Variants in CHD1 observed in about 807,000 individuals in gnomAD.
The protein encoded by CHD1 is ATP-dependent chromatin remodeler CHD1.
Under a neutral mutation model 224.2 loss-of-function variants are expected in CHD1, and 36 were observed. The observed-to-expected ratio is 0.16, with a 90% CI of 0.12 to 0.21. The LOEUF is 0.21. CHD1 is among the 10% of genes least tolerant of loss of function. The probability of loss-of-function intolerance (pLI) is 1.00; values close to 1 mark genes in which losing one functional copy is unlikely to be tolerated. For synonymous variants in CHD1, 668 were observed against 658.3 expected (o/e 1.01, Z -0.23); for missense variants, 1,378 against 1,994.8 (o/e 0.69, Z 5.89).
chr5:98,884,878 G>C (rs1191735310), intron 18 of CHD1, among the ~76,000 whole-genome samples: 1 of 151,752 alleles, frequency 6.6e-6, no homozygotes, highest in Non-Finnish European at 1.5e-5. Flanking sequence ...ACTATGCCCA[G>C]TTTATTTTTT....
chr5:98,885,563 A>G lies in CHD1; in HGVS notation c.2568+15T>C. On this transcript the variant is annotated intron_variant, in intron 18 of 35. Coordinates refer to ENST00000614616, the MANE Select transcript of CHD1 (RefSeq NM_001270.4). ...AATCAAAATTATTTATAATTTTAAA[A>G]GCACTAATACATACCTCTGATCCCT... 2.0e-6 allele frequency: 3 copies of G among 1,478,616 alleles called. No individual in the cohort carries two copies. The highest frequency in any genetic ancestry group is 1.9e-6 in the Non-Finnish European group (2 of 1,074,722). 91.6% of individuals were successfully genotyped at this position (1,478,616 alleles called of 1,614,324 possible).
At chr5:98,859,670 T>C (rs56898185) in intron 33 of CHD1, among the ~76,000 whole-genome samples, 7,974 of 152,160 alleles carry the variant, frequency 0.052, 612 homozygotes, top group African/African-American at 0.16. Flanking sequence ...TAACTATTGG[T>C]GACATTAACT....
In CHD1 at chr5:98,904,980, A is replaced by G. The variant is rs764987430; in HGVS notation, c.172T>C (p.Ser58Pro). 1 of 1,602,938 alleles carries G rather than the reference A, an allele frequency of 6.2e-7. No homozygotes were observed. Among genetic ancestry groups the G allele is most frequent in the East Asian group, 2.2e-5 (1 of 44,826 alleles). The change falls in exon 3 of 36, where the codon TCA becomes CCA. Residue 58 changes from serine to proline, a missense_variant. By Grantham distance (74) the Ser-to-Pro change is moderately conservative. Coordinates refer to ENST00000614616, the MANE Select transcript of CHD1 (RefSeq NM_001270.4). ...GACTCAGACTCTGACTGACTGCCTG[A>G]TTCAGATCCGGAGTCAGAGTCACTG... Reference protein sequence around the residue: ...GSSDSDSGSESGSQSESESDT... With the variant: ...GSSDSDSGSEPGSQSESESDT...
rs1168748039 is a variant in CHD1 at position 98,858,164 on chromosome 5, T to C, written c.4787+16A>G. The C allele has an allele frequency of 1.7e-5, 27 of 1,608,126 alleles. No homozygotes were observed. Among genetic ancestry groups the C allele is most frequent in the Non-Finnish European group, 2.2e-5 (26 of 1,175,866 alleles). On this transcript the variant is annotated intron_variant, in intron 35 of 35. Coordinates refer to ENST00000614616, the MANE Select transcript of CHD1 (RefSeq NM_001270.4). ...ACATGCATAAGCAAAATTTCTAAAG[T>C]GACTGCCAAGTTTACCTGCTGTCTT...
At chr5:98,927,828 T>A (rs1050462246) in intron 1 of CHD1, among the ~76,000 whole-genome samples, 1 of 152,088 alleles carries the variant, frequency 6.6e-6, no homozygotes, top group Admixed American at 6.5e-5. Context: ...CCATCTCCCT[T>A]ATCCGAATAA....
At chr5:98,877,577 A>G (rs1331646825) in intron 23 of CHD1, among the ~76,000 whole-genome samples, 1 of 152,228 alleles carries the variant, frequency 6.6e-6, no homozygotes, top group Non-Finnish European at 1.5e-5. Flanking sequence ...CAAAACATAT[A>G]TTCTGTAAGT....
In CHD1 at chr5:98,858,387, A is replaced by G. The variant is rs1189570743; in HGVS notation, c.4580T>C (p.Val1527Ala). The G allele has an allele frequency of 6.2e-7, 1 of 1,610,146 alleles. No individual in the cohort carries two copies. Among genetic ancestry groups the G allele is most frequent in the African/African-American group, 1.3e-5 (1 of 74,824 alleles). ...ATTTGTATTCTCTTTTAATCTTTCC[A>G]CATCTGTTAGATAAGTACAACTTTT... ...LNPHVIRNPD[V>A]ERLKENTNHD... The change falls in exon 35 of 36, where the codon GTG becomes GCG. Residue 1527 changes from valine to alanine, a missense_variant. Transcript: ENST00000614616.
At chr5:98,911,176 T>TATATATATATATATATAGAGAG (rs1561540185) in intron 2 of CHD1, among the ~76,000 whole-genome samples, 1 of 122,972 alleles carries the variant, frequency 8.1e-6, no homozygotes, top group Non-Finnish European at 1.7e-5. Flanking sequence ...TATATATATA[T>TATATATATATATATATAGAGAG]AGAGGCATGT....
intron 4 of CHD1, 60 bp from the exon 5 acceptor site, chr5:98,903,024 A>C: frequency 9.7e-7 from 1 of 1,031,848 alleles, no homozygotes; most frequent in Non-Finnish European, 1.5e-6. Context: ...ACCATATTAA[A>C]TTTTTATTTG....
intron 2 of CHD1, among the ~76,000 whole-genome samples, chr5:98,908,694 C>T (rs1752202367): frequency 6.6e-6 from 1 of 152,098 alleles, no homozygotes; most frequent in African/African-American, 2.4e-5. Flanking sequence ...CTGTACAACA[C>T]TTGAATTATC....
intron 33 of CHD1, 114 bp downstream of exon 33, chr5:98,859,858 T>G (rs1266219965): frequency 1.8e-6 from 1 of 560,928 alleles, no homozygotes; most frequent in Admixed American, 3.7e-5. Context: ...TCAATGGTGA[T>G]TTTTTAAATT....
At chr5:98,873,303 G>GTA (rs1464860447) in intron 26 of CHD1, among the ~76,000 whole-genome samples, 3 of 151,946 alleles carry the variant, frequency 2.0e-5, no homozygotes, top group Non-Finnish European at 4.4e-5. Flanking sequence ...CTGTGTGTGT[G>GTA]TATATATACA....
At chr5:98,889,295 C>G in intron 15 of CHD1, 57 bp from the exon 16 acceptor site, 1 of 1,301,918 alleles carries the variant, frequency 7.7e-7, no homozygotes, top group Non-Finnish European at 1.1e-6. Flanking sequence ...AGGATAAATT[C>G]TAAAAGCATT....
chr5:98,894,225 A>T (rs986110036), intron 13 of CHD1, among the ~76,000 whole-genome samples: 3 of 152,236 alleles, frequency 2.0e-5, no homozygotes, highest in Non-Finnish European at 4.4e-5. Flanking sequence ...TCACTGCTTC[A>T]CACAGTGGTA....
In CHD1 at chr5:98,869,622, G is replaced by GCGCACACACACA. The variant is rs1554074391; in HGVS notation, c.4107+131_4107+132insTGTGTGTGTGCG. ...TATAAGTGCGTGCGCACGTGCGCGC[G>GCGCACACACACA]CACACACACACACACACACACACAC... is the stretch of plus-strand genomic sequence containing the variant. On this transcript the variant is annotated intron_variant, in intron 30 of 35. Transcript: ENST00000614616. 4.0e-4 allele frequency: 284 copies of GCGCACACACACA among 718,070 alleles called. 1 individual carries two copies. In the African/African-American group the frequency reaches 5.2e-3, roughly 13 times the overall value. The allele number at this position is 718,070 out of a possible 1,614,324, so 44.5% of individuals were successfully genotyped here.
In CHD1 at chr5:98,858,405, C is replaced by T. The variant is rs758631719; in HGVS notation, c.4577-15G>A. ...TCTTTCCACATCTGTTAGATAAGTA[C>T]AACTTTTATTAATGACCTTAAAAAT... On this transcript the variant is annotated splice_polypyrimidine_tract_variant and intron_variant, in intron 34 of 35. Transcript: ENST00000614616. 3 of 1,589,112 alleles carry T rather than the reference C, an allele frequency of 1.9e-6. No homozygotes were observed. The highest frequency in any genetic ancestry group is 1.7e-5 in the Admixed American group (1 of 58,804).
At chr5:98,902,812 C>T (rs1751805719) in intron 5 of CHD1, 88 bp downstream of exon 5, 1 of 804,932 alleles carries the variant, frequency 1.2e-6, no homozygotes, top group Non-Finnish European at 2.0e-6. Flanking sequence ...GAAGAGTCTC[C>T]TTTTGGCAAC....
intron 31 of CHD1, among the ~76,000 whole-genome samples, chr5:98,867,943 C>A (rs911213888): frequency 6.6e-6 from 1 of 151,864 alleles, no homozygotes; most frequent in Non-Finnish European, 1.5e-5. Context: ...GCTGAGATTA[C>A]AGGTGCTCGC....
chr5:98,866,601 C>T (rs1343002474), intron 31 of CHD1, among the ~76,000 whole-genome samples: 1 of 151,994 alleles, frequency 6.6e-6, no homozygotes, highest in East Asian at 1.9e-4. Context: ...AAAGCTGACA[C>T]CCAAGTCTAA....
Sources: allele counts gnomAD v4.1 joint callset (sites outside exome capture counted in the v4.1 genomes callset), GRCh38; gene constraint gnomAD v4.1.1; transcripts MANE v1.5; gene names NCBI Gene and HGNC (gene_info 2026-07-23, HGNC 2026-07-21).